The following RIMS1 variants were observed in gnomAD, a reference collection of about 807,000 sequenced individuals.
RIMS1 encodes regulating synaptic membrane exocytosis protein 1.
A neutral mutation model predicts 214.1 loss-of-function variants in RIMS1; 83 were observed. The observed-to-expected ratio is 0.39, with a 90% CI of 0.32 to 0.47. The LOEUF is 0.47. RIMS1 is among the 20% of genes least tolerant of loss of function. The pLI is 0.99. For synonymous variants in RIMS1, 793 were observed against 786.8 expected (o/e 1.01, Z -0.13); for missense variants, 2,050 against 2,161.8 (o/e 0.95, Z 1.03).
chr6:72,059,703 A>C (rs182767387), intron 2 of RIMS1, among the ~76,000 whole-genome samples: 1 of 152,218 alleles, frequency 6.6e-6, no homozygotes, highest in East Asian at 1.9e-4. Flanking sequence ...TAATGTACTT[A>C]TTAGTGGTGG....
rs767322046 is a variant in RIMS1, at chr6:71,887,233, C to A, written c.164+46C>A. 11 of 1,569,254 alleles carry A rather than the reference C, an allele frequency of 7.0e-6. No individual in the cohort carries two copies. In the African/African-American group the frequency reaches 1.4e-4, roughly 19 times the overall value. On this transcript the variant is annotated intron_variant, in intron 1 of 33. Transcript: ENST00000521978. ...CCATCCATGCCTCCGTGCCTCCATCCGTCCATTCACCACTCACTCCCCTAG... is the reference window on the plus strand; with the variant it reads ...CCATCCATGCCTCCGTGCCTCCATCAGTCCATTCACCACTCACTCCCCTAG...
intron 2 of RIMS1, among the ~76,000 whole-genome samples, chr6:72,058,799 T>G (rs756911106): frequency 1.2e-4 from 18 of 152,188 alleles, no homozygotes; most frequent in Non-Finnish European, 2.4e-4. Flanking sequence ...AAACACAAAG[T>G]TTCGGGAAAA....
intron 21 of RIMS1, 142 bp downstream of exon 21, chr6:72,265,645 G>A (rs909706295): frequency 7.2e-6 from 4 of 558,498 alleles, no homozygotes; most frequent in Admixed American, 3.5e-5. Context: ...GAAATTTTAG[G>A]CATTTTGTTT....
chr6:72,106,524 G>A (rs2034773629), intron 4 of RIMS1, among the ~76,000 whole-genome samples: 1 of 152,152 alleles, frequency 6.6e-6, no homozygotes, highest in Admixed American at 6.6e-5. Context: ...GCTAAACCAG[G>A]AATGACAATC....
chr6:72,368,363 G>A (rs1281984241), intron 29 of RIMS1, among the ~76,000 whole-genome samples: 13 of 141,778 alleles, frequency 9.2e-5, no homozygotes, highest in Admixed American at 7.4e-4. Context: ...GTGCAGTGGC[G>A]CAATCTCGGC....
At position 72,390,598 on chromosome 6, in the gene RIMS1, A is replaced by G; in HGVS notation, c.4367A>G (p.Glu1456Gly). The G allele has an allele frequency of 6.2e-7, 1 of 1,611,812 alleles. No individual in the cohort carries two copies. Among genetic ancestry groups the G allele is most frequent in the African/African-American group, 1.3e-5 (1 of 75,032 alleles). ...AGTTTCTTTTACTCTCTCCTGTCAG[A>G]GTCGGGCCACAAAAAGTTAAAAAGT... is the stretch of plus-strand genomic sequence containing the variant. The part of the protein sequence containing the change: ...SRSTSQLSQT[E>G]SGHKKLKSTI... Residue 1456 changes from glutamate to glycine, a missense_variant and splice_region_variant, in exon 30 of 34, where the codon GAG becomes GGG. Glu to Gly is a moderately conservative substitution (Grantham distance 98). Transcript: ENST00000521978.
At chr6:72,094,572 A>G (rs1039515048) in intron 2 of RIMS1, among the ~76,000 whole-genome samples, 15 of 152,198 alleles carry the variant, frequency 9.9e-5, no homozygotes, top group African/African-American at 3.6e-4. Context: ...CTGGACTACT[A>G]TCTGTTTTTG....
At chr6:72,040,771 T>G (rs1054551701) in intron 2 of RIMS1, among the ~76,000 whole-genome samples, 1 of 151,942 alleles carries the variant, frequency 6.6e-6, no homozygotes, top group African/African-American at 2.4e-5. Context: ...ACCATTTTAT[T>G]GTTTCACTTT....
rs559956984 is a variant in RIMS1, at chr6:71,964,978, T to C, written c.165-4005T>C. On this transcript the variant is annotated intron_variant, in intron 1 of 33. Transcript: ENST00000521978. The stretch of plus-strand genomic sequence containing the variant: ...AATCAGTGATCAGCAAATCAGAAAA[T>C]TGTATATTTGAAAAACATTTCATTT... Among the ~76,000 whole-genome samples, 91 of 152,244 alleles carry C rather than the reference T, an allele frequency of 6.0e-4. 2 individuals are homozygous for C. The highest frequency in any genetic ancestry group is 2.1e-3 in the African/African-American group (88 of 41,558).
chr6:72,216,867 G>C, intron 6 of RIMS1: 1 of 1,042,010 alleles, frequency 9.6e-7, no homozygotes, highest in Non-Finnish European at 1.2e-6. Context: ...AAGAGCTTTA[G>C]TGTATGCTAC....
chr6:72,310,507 T>G (rs1056179033), intron 27 of RIMS1, among the ~76,000 whole-genome samples: 1 of 152,046 alleles, frequency 6.6e-6, no homozygotes, highest in African/African-American at 2.4e-5. Flanking sequence ...TAAAGAATGT[T>G]TATGTTTGTG....
rs867013808 is a variant in RIMS1, at chr6:72,291,963, C to T, written c.3767C>T (p.Ser1256Phe). The change falls in exon 26 of 34, where the codon TCT becomes TTT. Residue 1256 changes from serine (S) to phenylalanine (F), a missense_variant. This residue lies in a region of RIMS1 where 889 missense variants were observed against 885.5 expected (regional missense o/e 1.00). Transcript: ENST00000521978. ...CACCGACAGAGAAGTCCAACACAAT[C>T]TCCTCCAGCAGACACATCGTTCAGC... Reference protein sequence around the residue: ...RMHRQRSPTQSPPADTSFSSR... With the variant: ...RMHRQRSPTQFPPADTSFSSR... 6.4e-7 allele frequency: 1 copy of T among 1,562,930 alleles called. No homozygotes were observed. The highest frequency in any genetic ancestry group is 1.9e-5 in the Admixed American group (1 of 52,426).
intron 27 of RIMS1, among the ~76,000 whole-genome samples, chr6:72,310,933 T>G (rs2095479331): frequency 6.6e-6 from 1 of 152,138 alleles, no homozygotes; most frequent in Non-Finnish European, 1.5e-5. Flanking sequence ...TGAAATCCCT[T>G]TTTGTCCACT....
At chr6:71,898,429 C>T (rs1454239234) in intron 1 of RIMS1, among the ~76,000 whole-genome samples, 2 of 152,094 alleles carry the variant, frequency 1.3e-5, no homozygotes, top group Non-Finnish European at 2.9e-5. Context: ...ATTTTCATTG[C>T]CCAACTCTGT....
intron 1 of RIMS1, among the ~76,000 whole-genome samples, chr6:71,943,204 C>T (rs1786727732): frequency 6.6e-6 from 1 of 151,768 alleles, no homozygotes; most frequent in African/African-American, 2.4e-5. Context: ...GACATTGTAC[C>T]CTCAAATTTT....
intron 2 of RIMS1, among the ~76,000 whole-genome samples, chr6:72,038,930 T>A (rs1014851930): frequency 2.0e-5 from 3 of 152,112 alleles, no homozygotes; most frequent in East Asian, 3.9e-4. Context: ...TTTTAAAGTA[T>A]CTCCCTCTTA....
intron 6 of RIMS1, among the ~76,000 whole-genome samples, chr6:72,224,677 G>A (rs1264372343): frequency 6.6e-6 from 1 of 152,118 alleles, no homozygotes; most frequent in Admixed American, 6.5e-5. Flanking sequence ...CATTAACGTA[G>A]TTTGCTTTTT....
chr6:72,151,886 G>A (rs2043645901), intron 4 of RIMS1, among the ~76,000 whole-genome samples: 3 of 152,178 alleles, frequency 2.0e-5, no homozygotes, highest in South Asian at 4.1e-4. Context: ...TCCACTTCTG[G>A]TGAGGGCCTC....
At chr6:71,937,444 G>C (rs1208131938) in intron 1 of RIMS1, among the ~76,000 whole-genome samples, 2 of 152,018 alleles carry the variant, frequency 1.3e-5, no homozygotes, top group African/African-American at 4.8e-5. Context: ...ATAGAGACAG[G>C]GTTTTGCAAC....
Sources: allele counts gnomAD v4.1 joint callset (sites outside exome capture counted in the v4.1 genomes callset), GRCh38; gene constraint gnomAD v4.1.1; regional missense constraint gnomAD v4.1.1; transcripts MANE v1.5; gene names NCBI Gene and HGNC (gene_info 2026-07-23, HGNC 2026-07-21).